The following FAM78A variants were observed in gnomAD, a reference collection of about 807,000 sequenced individuals.
FAM78A encodes protein FAM78A.
Under a neutral mutation model 22.6 loss-of-function variants are expected in FAM78A, and 12 were observed. The observed-to-expected ratio is 0.53, with a 90% CI of 0.34 to 0.86. FAM78A has a LOEUF of 0.86. FAM78A is among the 40% of genes least tolerant of loss of function. The probability of loss-of-function intolerance (pLI) is 0.02; values close to 1 mark genes in which losing one functional copy is unlikely to be tolerated. For missense variants in FAM78A, 322 were observed against 396.1 expected, an observed-to-expected ratio of 0.81 and a Z score of 1.59; for synonymous variants, 151 against 155.8, an observed-to-expected ratio of 0.97 and a Z score of 0.23.
rs746156119 is a variant in FAM78A, at chr9:131,260,969, G to A, written c.705C>T (p.Ile235=). The change falls in exon 2 of 2, where the codon ATC becomes ATT. Residue 235 remains isoleucine (I), a synonymous_variant. Coordinates refer to ENST00000372271, the MANE Select transcript of FAM78A (RefSeq NM_033387.4). This position sits in a 1 kb window ranked among gnomAD's most constrained non-coding sequence, Gnocchi z 5.4. ...TCAGGATTTTGGGCTGGTCCTGGGC[G>A]ATGGGCTCCCGCAGCCGGGCGCGCT... The part of the protein sequence containing the change: ...LGQRARLREP[I]AQDQPKILSK... 9.9e-6 allele frequency: 16 copies of A among 1,612,808 alleles called. No individual in the cohort carries two copies. The highest frequency in any genetic ancestry group is 2.2e-5 in the South Asian group (2 of 90,980).
At position 131,274,079 on chromosome 9, in the gene FAM78A, G is replaced by C. The variant is rs1244560862; in HGVS notation, c.323+1778C>G. On this transcript the variant is annotated intron_variant, in intron 1 of 1. Transcript: ENST00000372271. This position sits in a 1 kb window ranked among gnomAD's most constrained non-coding sequence, Gnocchi z 4.2. ...AGCCACATCACCCACACCTACTCAG[G>C]GTCACCAGATGGAGAACAAGTCTTA... 6.6e-6 allele frequency among the ~76,000 whole-genome samples: 1 copy of C among 152,182 alleles called. No individual in the cohort carries two copies. Among genetic ancestry groups the C allele is most frequent in the African/African-American group, 2.4e-5 (1 of 41,442 alleles).
intron 1 of FAM78A, among the ~76,000 whole-genome samples, chr9:131,271,875 G>A (rs1024556562): frequency 2.0e-5 from 3 of 151,458 alleles, no homozygotes; most frequent in Admixed American, 1.3e-4. Flanking sequence ...GTGGAGGCAG[G>A]TGTCTCCAAC....
At chr9:131,271,959 G>A (rs569840847) in intron 1 of FAM78A, among the ~76,000 whole-genome samples, 1 of 152,248 alleles carries the variant, frequency 6.6e-6, no homozygotes, top group East Asian at 1.9e-4. Flanking sequence ...CTCTCATGCT[G>A]GCACAGAGAA....
intron 1 of FAM78A, among the ~76,000 whole-genome samples, chr9:131,268,476 C>T (rs536661220): frequency 6.6e-6 from 1 of 152,322 alleles, no homozygotes; most frequent in Admixed American, 6.5e-5. Flanking sequence ...CCACAACAAA[C>T]CCCATTCCTT....
upstream of FAM78A, among the ~76,000 whole-genome samples, chr9:131,277,063 C>G (rs1328523127): frequency 6.6e-6 from 1 of 150,906 alleles, no homozygotes; most frequent in Non-Finnish European, 1.5e-5. The surrounding 1 kb of genome is among the most constrained non-coding windows in gnomAD (Gnocchi z 8.4). Context: ...GCGGAGCTGA[C>G]GGCGCAGCTC....
In FAM78A at chr9:131,275,070, T is replaced by A. The variant is rs548166909; in HGVS notation, c.323+787A>T. Among the ~76,000 whole-genome samples the A allele has an allele frequency of 1.3e-5, 2 of 152,222 alleles. No homozygotes were observed. Among genetic ancestry groups the A allele is most frequent in the East Asian group, 3.9e-4 (2 of 5,180 alleles). On this transcript the variant is annotated intron_variant, in intron 1 of 1. Coordinates refer to ENST00000372271, the MANE Select transcript of FAM78A (RefSeq NM_033387.4). This position sits in a 1 kb window ranked among gnomAD's most constrained non-coding sequence, Gnocchi z 4.6. ...ACCCTGGGGACGGCCTTCTCTGGGG[T>A]CAGGAAGCAGGCCAGGAAAGGAGCC...
At chr9:131,263,602 TAAAA>T in intron 1 of FAM78A, 1 of 157,562 alleles carries the variant, frequency 6.3e-6, no homozygotes, top group Non-Finnish European at 1.4e-5. Flanking sequence ...GACCCTGTCT[TAAAA>T]AAAAAAAAAT....
At chr9:131,270,617 C>T (rs1022883392) in intron 1 of FAM78A, 5 of 688,776 alleles carry the variant, frequency 7.3e-6, no homozygotes, top group Non-Finnish European at 1.1e-5. Context: ...CCTCTCCCAC[C>T]CACCCCGCCC....
rs1048892220 is a variant in FAM78A, at chr9:131,276,387, G to A, written c.-208C>T. 8.0e-6 allele frequency: 4 copies of A among 500,336 alleles called. No homozygotes were observed. The highest frequency in any genetic ancestry group is 1.4e-5 in the Non-Finnish European group (4 of 284,458). 31.0% of individuals were successfully genotyped at this position (500,336 alleles called of 1,614,324 possible). On this transcript the variant is annotated 5_prime_UTR_variant, in exon 1 of 2. Transcript: ENST00000372271. The surrounding 1 kb of genome is among the most constrained non-coding windows in gnomAD (Gnocchi z 4.3). ...CTCCTCGCAGTGGACAAAAATCACC[G>A]ATATTCTTTGGGTTAAAAAAAGTTT...
In FAM78A at chr9:131,272,696, C is replaced by A. The variant is rs1835434361; in HGVS notation, c.323+3161G>T. Among the ~76,000 whole-genome samples, 1 of 152,118 alleles carries A rather than the reference C, an allele frequency of 6.6e-6. No homozygotes were observed. Among genetic ancestry groups the A allele is most frequent in the Admixed American group, 6.5e-5 (1 of 15,280 alleles). The stretch of plus-strand genomic sequence containing the variant: ...CTGTAATCCCAGCCCTTTGGGAGGC[C>A]AAGGCAGGCAGATCACCTGAGGTCA... On this transcript the variant is annotated intron_variant, in intron 1 of 1. Transcript: ENST00000372271. This position sits in a 1 kb window ranked among gnomAD's most constrained non-coding sequence, Gnocchi z 4.1.
intron 1 of FAM78A, chr9:131,270,142 G>A: frequency 1.7e-6 from 1 of 598,250 alleles, no homozygotes; most frequent in South Asian, 1.8e-5. Flanking sequence ...GGAGGCGGAT[G>A]TTGCAGTGAG....
upstream of FAM78A, among the ~76,000 whole-genome samples, chr9:131,278,268 G>A (rs1282613411): frequency 2.6e-5 from 4 of 152,140 alleles, no homozygotes; most frequent in East Asian, 3.9e-4. Context: ...CTGCTGTCTC[G>A]GGGCCAGGTG....
At chr9:131,266,473 G>GTCCTCA (rs1430493502) in intron 1 of FAM78A, among the ~76,000 whole-genome samples, 10 of 151,412 alleles carry the variant, frequency 6.6e-5, no homozygotes, top group African/African-American at 9.7e-5. Flanking sequence ...CGTCATCCTC[G>GTCCTCA]TCCTCATCCT....
rs909370217 is a variant in FAM78A, at chr9:131,259,815, G to A, written c.*1007C>T. ...CAGGCATTTGGGACCAGTGTGGATG[G>A]AGAAGGAAAAAGCCACACACCTGGA... is the stretch of plus-strand genomic sequence containing the variant. On this transcript the variant is annotated 3_prime_UTR_variant, in exon 2 of 2. Coordinates refer to ENST00000372271, the MANE Select transcript of FAM78A (RefSeq NM_033387.4). The A allele has an allele frequency of 6.5e-6, 1 of 152,856 alleles. No homozygotes were observed. The highest frequency in any genetic ancestry group is 2.4e-5 in the African/African-American group (1 of 41,476). The allele number at this position is 152,856 out of a possible 1,614,324, so 9.5% of individuals were successfully genotyped here.
rs1363744894 is a variant in FAM78A, at chr9:131,276,369, C to T, written c.-190G>A. ...CCTGGGCTCTCTCTTCTTCTCCTCGCAGTGGACAAAAATCACCGATATTCT... is the reference window on the plus strand; with the variant it reads ...CCTGGGCTCTCTCTTCTTCTCCTCGTAGTGGACAAAAATCACCGATATTCT... On this transcript the variant is annotated 5_prime_UTR_variant, in exon 1 of 2. Coordinates refer to ENST00000372271, the MANE Select transcript of FAM78A (RefSeq NM_033387.4). The surrounding 1 kb of genome is among the most constrained non-coding windows in gnomAD (Gnocchi z 4.3). 1.9e-6 allele frequency: 1 copy of T among 524,088 alleles called. No homozygotes were observed. The highest frequency in any genetic ancestry group is 3.3e-6 in the Non-Finnish European group (1 of 299,064). The allele number at this position is 524,088 out of a possible 1,614,324, so 32.5% of individuals were successfully genotyped here.
chr9:131,267,023 A>C (rs926192265), intron 1 of FAM78A, among the ~76,000 whole-genome samples: 1 of 152,178 alleles, frequency 6.6e-6, no homozygotes, highest in Non-Finnish European at 1.5e-5. Flanking sequence ...CCCTGAGCAC[A>C]CGGGCTGCGC....
At position 131,261,675 on chromosome 9, in the gene FAM78A, T is replaced by C. The variant is rs891140311; in HGVS notation, c.324-325A>G. Among the ~76,000 whole-genome samples the C allele has an allele frequency of 6.6e-6, 1 of 152,120 alleles. No individual in the cohort carries two copies. The highest frequency in any genetic ancestry group is 1.5e-5 in the Non-Finnish European group (1 of 68,012). On this transcript the variant is annotated intron_variant, in intron 1 of 1. Transcript: ENST00000372271. The surrounding 1 kb of genome is among the most constrained non-coding windows in gnomAD (Gnocchi z 7.1). ...CCCACCCCAGACTGTAGGGGCCCCT[T>C]ACTTTAACATTACAGGCTCACAGAC...
intron 1 of FAM78A, among the ~76,000 whole-genome samples, chr9:131,271,580 A>T (rs1835422353): frequency 6.6e-6 from 1 of 152,208 alleles, no homozygotes; most frequent in Non-Finnish European, 1.5e-5. Context: ...ATACATGGGC[A>T]TGGGGTAGTG....
chr9:131,261,825 T>C lies in FAM78A; in HGVS notation c.324-475A>G, dbSNP rs1452467372. ...CGGTGGGGCCTGGGACCCCGGCGCATTTCCACCAAGGCACCTGTAACAGGG... is the reference window on the plus strand; with the variant it reads ...CGGTGGGGCCTGGGACCCCGGCGCACTTCCACCAAGGCACCTGTAACAGGG... On this transcript the variant is annotated intron_variant, in intron 1 of 1. Transcript: ENST00000372271. This position sits in a 1 kb window ranked among gnomAD's most constrained non-coding sequence, Gnocchi z 7.1. 6.6e-6 allele frequency among the ~76,000 whole-genome samples: 1 copy of C among 152,152 alleles called. No homozygotes were observed. Among genetic ancestry groups the C allele is most frequent in the Non-Finnish European group, 1.5e-5 (1 of 68,022 alleles).
Sources: allele counts gnomAD v4.1 joint callset (sites outside exome capture counted in the v4.1 genomes callset), GRCh38; gene constraint gnomAD v4.1.1; non-coding constraint Gnocchi (gnomAD v3.1); transcripts MANE v1.5; gene names NCBI Gene and HGNC (gene_info 2026-07-23, HGNC 2026-07-21).